ZNF615: variants seen among roughly 807,000 people sequenced by gnomAD.
The protein encoded by ZNF615 is zinc finger protein 615.
Under a neutral mutation model 15.3 loss-of-function variants are expected in ZNF615, and 15 were observed. The ratio of observed to expected loss-of-function variants is 0.98; its 90% CI spans 0.66 to 1.51. The LOEUF (loss-of-function observed/expected upper bound fraction) is 1.51. ZNF615 is among the 40% of genes most tolerant of loss of function. The pLI is 0.00. For missense variants in ZNF615, 848 were observed against 895.9 expected (o/e 0.95, Z 0.68); for synonymous variants, 268 against 294.6 (o/e 0.91, Z 0.92).
chr19:51,997,959 T>C (rs2086488972), intron 6 of ZNF615, among the ~76,000 whole-genome samples: 1 of 124,708 alleles, frequency 8.0e-6, no homozygotes, highest in Non-Finnish European at 1.6e-5. Context: ...GGATTCTTCT[T>C]TCTATACTTT....
intron 2 of ZNF615, among the ~76,000 whole-genome samples, chr19:52,005,034 G>A (rs998630385): frequency 6.6e-6 from 1 of 152,150 alleles, no homozygotes; most frequent in African/African-American, 2.4e-5. Flanking sequence ...GCCGAGGTGG[G>A]CAGATCACGA....
rs146302922 is a variant in ZNF615, at chr19:51,992,312, T to C, written c.*568A>G. Reference sequence around the variant, plus strand: ...TGTTCCCAAATGCACATGAGGCATATTATCTGTTAAGGTTAGAATTGTGAC... The same window carrying C: ...TGTTCCCAAATGCACATGAGGCATACTATCTGTTAAGGTTAGAATTGTGAC... On this transcript the variant is annotated 3_prime_UTR_variant, in exon 7 of 7. Coordinates refer to ENST00000598071, the MANE Select transcript of ZNF615 (RefSeq NM_001199324.2). 13 of 152,596 alleles carry C rather than the reference T, an allele frequency of 8.5e-5. No homozygotes were observed. Among genetic ancestry groups the C allele is most frequent in the African/African-American group, 3.1e-4 (13 of 41,582 alleles). 9.5% of individuals were successfully genotyped at this position (152,596 alleles called of 1,614,324 possible).
At chr19:51,996,408 A>AAAAAAAC (rs1329071510) in intron 6 of ZNF615, among the ~76,000 whole-genome samples, 1 of 125,098 alleles carries the variant, frequency 8.0e-6, no homozygotes, top group African/African-American at 3.1e-5. Context: ...AAAAAAAAAA[A>AAAAAAAC]CGCAAAACTA....
rs1483269020 is a variant in ZNF615 at position 52,001,981 on chromosome 19, T to C, written c.143-73A>G. Reference sequence around the variant, plus strand: ...GCAATATTGAAAAAGGAGAGTTACATTTTAAGGACTACATAGGTATCAGAT... The same window carrying C: ...GCAATATTGAAAAAGGAGAGTTACACTTTAAGGACTACATAGGTATCAGAT... On this transcript the variant is annotated intron_variant, in intron 4 of 6. Transcript: ENST00000598071. 3 of 1,596,992 alleles carry C rather than the reference T, an allele frequency of 1.9e-6. No homozygotes were observed. The Admixed American group carries it at 5.0e-5, about 27-fold the overall frequency.
At chr19:52,007,574 GCC>G (rs2086789255) in intron 1 of ZNF615, among the ~76,000 whole-genome samples, 1 of 152,130 alleles carries the variant, frequency 6.6e-6, no homozygotes, top group South Asian at 2.1e-4. Flanking sequence ...TGTTCCAGCA[GCC>G]AGGGCTGGGG....
intron 6 of ZNF615, among the ~76,000 whole-genome samples, chr19:51,997,551 A>G (rs981370177): frequency 2.6e-5 from 4 of 152,188 alleles, no homozygotes; most frequent in African/African-American, 9.7e-5. Context: ...GGGAACAATG[A>G]TTTGCAGCAA....
At chr19:51,996,709 G>A (rs1364777880) in intron 6 of ZNF615, among the ~76,000 whole-genome samples, 5 of 152,208 alleles carry the variant, frequency 3.3e-5, no homozygotes, top group African/African-American at 1.2e-4. Flanking sequence ...TGAAGGCACA[G>A]GGCCAGGGAT....
intron 6 of ZNF615, 40 bp from the exon 7 acceptor site, chr19:51,994,877 T>C: frequency 1.3e-6 from 2 of 1,511,634 alleles, no homozygotes; most frequent in Non-Finnish European, 1.8e-6. Flanking sequence ...CATCATCTTG[T>C]TTTGAAATAA....
In ZNF615 at chr19:51,994,653, T is replaced by A. The variant is rs373286872; in HGVS notation, c.456A>T (p.Leu152Phe). The A allele has an allele frequency of 3.1e-6, 5 of 1,613,108 alleles. No homozygotes were observed. The African/African-American group carries it at 5.3e-5, about 17-fold the overall frequency. The change falls in exon 7 of 7, where the codon TTA becomes TTT. Residue 152 changes from leucine (L) to phenylalanine (F), a missense_variant. By Grantham distance (22) the Leu-to-Phe change is conservative. Transcript: ENST00000598071. The part of the protein sequence containing the change: ...DLHEKPLKSN[L>F]SFENQKRSSG... ...AGCTCCTTTTCTGGTTTTCAAAACTTAAATTTGATTTTAAAGGTTTTTCAT... is the reference window on the plus strand; with the variant it reads ...AGCTCCTTTTCTGGTTTTCAAAACTAAAATTTGATTTTAAAGGTTTTTCAT...
In ZNF615 at chr19:51,993,179, AG is replaced by A. The variant is rs1251083764; in HGVS notation, c.1929del (p.Phe644SerfsTer110). The A allele has an allele frequency of 1.2e-6, 2 of 1,614,104 alleles. No individual in the cohort carries two copies. The highest frequency in any genetic ancestry group is 1.7e-6 in the Non-Finnish European group (2 of 1,180,048). On this transcript the variant is annotated frameshift_variant, in exon 7 of 7. Transcript: ENST00000598071. LOFTEE classifies it low-confidence loss of function (END_TRUNC). Reference sequence around the variant, plus strand: ...TGTATGAGGCATGTCTTCTTCCTGAAGGTTTTATCACATTCATTGCATTTGT... The same window carrying A: ...TGTATGAGGCATGTCTTCTTCCTGAAGTTTTATCACATTCATTGCATTTGT... ...KPYKCNECDK[T>X]FRKKTCLIQH...
Position 51,994,567 on chromosome 19 carries a change from T to C in ZNF615, c.542A>G (p.His181Arg), listed in dbSNP as rs2086362675. 4 of 1,614,030 alleles carry C rather than the reference T, an allele frequency of 2.5e-6. No individual in the cohort carries two copies. Among genetic ancestry groups the C allele is most frequent in the Non-Finnish European group, 3.4e-6 (4 of 1,180,028 alleles). ...CTTCATTTCAGTATAAAATTGTTTATGGTTAGCATGAAAAAGGGATTTCCC... is the reference window on the plus strand; with the variant it reads ...CTTCATTTCAGTATAAAATTGTTTACGGTTAGCATGAAAAAGGGATTTCCC... Reference protein sequence around the residue: ...RDGKSLFHANHKQFYTEMKFP... With the variant: ...RDGKSLFHANRKQFYTEMKFP... Residue 181 changes from histidine to arginine, a missense_variant, in exon 7 of 7, where the codon CAT becomes CGT. Coordinates refer to ENST00000598071, the MANE Select transcript of ZNF615 (RefSeq NM_001199324.2).
intron 6 of ZNF615, among the ~76,000 whole-genome samples, chr19:51,997,179 G>A (rs1056203776): frequency 1.3e-5 from 2 of 152,012 alleles, no homozygotes; most frequent in Non-Finnish European, 2.9e-5. Context: ...TTAGCTGGGT[G>A]TGGTGGCATG....
intron 1 of ZNF615, 193 bp downstream of exon 1, chr19:52,007,948 C>T (rs2086802031): frequency 6.7e-6 from 4 of 598,960 alleles, no homozygotes; most frequent in African/African-American, 1.9e-5. Flanking sequence ...CACACACACC[C>T]TATCACGGAC....
chr19:51,993,193 T>G lies in ZNF615; in HGVS notation c.1916A>C (p.Glu639Ala). ...CTTCTTCCTGAAGGTTTTATCACAT[T>G]CATTGCATTTGTATGGCTTCTCTCC... ...HTGEKPYKCN[E>A]CDKTFRKKTC... is the part of the protein sequence containing the mutation. Residue 639 changes from glutamate to alanine, a missense_variant, in exon 7 of 7, where the codon GAA (glutamate) becomes GCA (alanine). By Grantham distance (107) the Glu-to-Ala change is moderately radical (BLOSUM62 -1). Coordinates refer to ENST00000598071, the MANE Select transcript of ZNF615 (RefSeq NM_001199324.2). 6.2e-7 allele frequency: 1 copy of G among 1,614,150 alleles called. No homozygotes were observed. Among genetic ancestry groups the G allele is most frequent in the Non-Finnish European group, 8.5e-7 (1 of 1,179,944 alleles).
intron 3 of ZNF615, among the ~76,000 whole-genome samples, chr19:52,003,450 T>C (rs893175372): frequency 1.3e-5 from 2 of 152,178 alleles, no homozygotes; most frequent in African/African-American, 4.8e-5. Context: ...CTTGTATAGC[T>C]TGTCAGAGAT....
At chr19:52,000,443 AG>A (rs758517724) in intron 5 of ZNF615, 65 bp from the exon 6 acceptor site, 13 of 571,710 alleles carry the variant, frequency 2.3e-5, no homozygotes, top group Non-Finnish European at 4.1e-5. Flanking sequence ...GATAGCCAAA[AG>A]CATTATTCTT....
intron 3 of ZNF615, among the ~76,000 whole-genome samples, chr19:52,002,974 A>C (rs1165523940): frequency 2.6e-5 from 4 of 151,724 alleles, no homozygotes; most frequent in Non-Finnish European, 5.9e-5. Flanking sequence ...TTACAGGCGC[A>C]CGCCACCACA....
In ZNF615 at chr19:51,994,511, A is replaced by G. The variant is rs1345436354; in HGVS notation, c.598T>C (p.Ser200Pro). 2.5e-6 allele frequency: 4 copies of G among 1,614,132 alleles called. No individual in the cohort carries two copies. The highest frequency in any genetic ancestry group is 3.4e-6 in the Non-Finnish European group (4 of 1,180,006). ...GTTCTCTGTTGCTTAATGAACTGGGACTTATTAATAGGTTTTGCAATTGCA... is the reference window on the plus strand; with the variant it reads ...GTTCTCTGTTGCTTAATGAACTGGGGCTTATTAATAGGTTTTGCAATTGCA... The part of the protein sequence containing the change: ...FPAIAKPINK[S>P]QFIKQQRTHN... Residue 200 changes from serine (S) to proline (P), a missense_variant, in exon 7 of 7, where the codon TCC becomes CCC. Transcript: ENST00000598071.
In ZNF615 at chr19:51,994,441, G is replaced by C; in HGVS notation, c.668C>G (p.Ala223Gly). 6.2e-7 allele frequency: 1 copy of C among 1,614,100 alleles called. No individual in the cohort carries two copies. The highest frequency in any genetic ancestry group is 8.5e-7 in the Non-Finnish European group (1 of 1,180,010). Residue 223 changes from alanine (A) to glycine (G), a missense_variant, in exon 7 of 7, where the codon GCC becomes GGC. By Grantham distance (60) the Ala-to-Gly change is moderately conservative (BLOSUM62 0). Coordinates refer to ENST00000598071, the MANE Select transcript of ZNF615 (RefSeq NM_001199324.2). ...AATAAACTGAGACAACTTGAGGAAG[G>C]CTTTCCCACATTCACTGCATACATG... ...NAHVCSECGK[A>G]FLKLSQFIDH...
Sources: allele counts gnomAD v4.1 joint callset (sites outside exome capture counted in the v4.1 genomes callset), GRCh38; gene constraint gnomAD v4.1.1; transcripts MANE v1.5; gene names NCBI Gene and HGNC (gene_info 2026-07-23, HGNC 2026-07-21).